GNA11: variants seen among roughly 807,000 people sequenced by gnomAD.
GNA11 encodes the protein guanine nucleotide-binding protein subunit alpha-11.
In GNA11, 8 loss-of-function variants were observed where a neutral mutation model predicts 38.2. That is an observed-to-expected ratio of 0.21 (90% CI 0.12 to 0.38). GNA11 has a LOEUF of 0.38. Among genes scored for constraint, GNA11 ranks in the 10% least tolerant of loss-of-function variants. The pLI, the probability that GNA11 is intolerant of heterozygous loss-of-function variation, is 1.00. For missense variants in GNA11, 268 were observed against 516.3 expected, an observed-to-expected ratio of 0.52 and a Z score of 4.66; for synonymous variants, 211 against 221.4, an observed-to-expected ratio of 0.95 and a Z score of 0.42.
chr19:3,113,571 G>A, intron 3 of GNA11, 87 bp downstream of exon 3: 1 of 1,042,244 alleles, frequency 9.6e-7, no homozygotes, highest in Non-Finnish European at 1.4e-6. Context: ...CGCGGCGTCT[G>A]TGGTGCCCCC....
At position 3,103,519 on chromosome 19, in the gene GNA11, C is replaced by CTTTTTTTTTTTTTTTTTTT. The variant is rs760497682; in HGVS notation, c.137-6617_137-6599dup. 6.5e-5 allele frequency among the ~76,000 whole-genome samples: 3 copies of CTTTTTTTTTTTTTTTTTTT among 45,802 alleles called. 1 individual carries two copies. Among genetic ancestry groups the CTTTTTTTTTTTTTTTTTTT allele is most frequent in the African/African-American group, 8.0e-5 (1 of 12,498 alleles). 30.0% of individuals were successfully genotyped at this position (45,802 alleles called of 152,430 possible). On this transcript the variant is annotated intron_variant, in intron 1 of 6. Coordinates refer to ENST00000078429, the MANE Select transcript of GNA11 (RefSeq NM_002067.5). The stretch of plus-strand genomic sequence containing the variant: ...TGAGCCACTGCGCCCGGCCTTGAAT[C>CTTTTTTTTTTTTTTTTTTT]TTTTTTTTTTTTTTTTTTTTTTTTT...
chr19:3,095,737 G>T (rs1209538710), intron 1 of GNA11, among the ~76,000 whole-genome samples: 3 of 152,044 alleles, frequency 2.0e-5, no homozygotes, highest in Non-Finnish European at 2.9e-5. Flanking sequence ...GTCCCAAGCA[G>T]CTATCTCGGC....
At position 3,119,716 on chromosome 19, in the gene GNA11, G is replaced by C. The variant is rs142038381; in HGVS notation, c.889+357G>C. 9.8e-3 allele frequency among the ~76,000 whole-genome samples: 1,484 copies of C among 151,704 alleles called. 29 individuals carry two copies. The highest frequency in any genetic ancestry group is 0.034 in the African/African-American group (1,408 of 41,280). On this transcript the variant is annotated intron_variant, in intron 6 of 6. Coordinates refer to ENST00000078429, the MANE Select transcript of GNA11 (RefSeq NM_002067.5). This position sits in a 1 kb window ranked among gnomAD's most constrained non-coding sequence, Gnocchi z 4.6. ...GGGGAGTCTTGTATTGGTGGGTCTT[G>C]TACGGGAGGGAGTTGTCGTATGGGG... is the stretch of plus-strand genomic sequence containing the variant.
At chr19:3,103,519 C>CGTTTTTTTTTTTTTTTTTTTTTTTTTT (rs1370578226) in intron 1 of GNA11, among the ~76,000 whole-genome samples, 1 of 45,800 alleles carries the variant, frequency 2.2e-5, no homozygotes, top group African/African-American at 8.0e-5. Context: ...GGCCTTGAAT[C>CGTTTTTTTTTTTTTTTTTTTTTTTTTT]TTTTTTTTTT....
chr19:3,116,829 T>C (rs1913936933), intron 4 of GNA11, among the ~76,000 whole-genome samples: 1 of 152,204 alleles, frequency 6.6e-6, no homozygotes, highest in Admixed American at 6.5e-5. Flanking sequence ...GCTGGTGCAC[T>C]GCCGAGGCCA....
In GNA11 at chr19:3,094,943, C is replaced by G. The variant is rs1191779920; in HGVS notation, c.136+156C>G. 1.4e-5 allele frequency among the ~76,000 whole-genome samples: 2 copies of G among 146,792 alleles called. No individual in the cohort carries two copies. The highest frequency in any genetic ancestry group is 3.0e-5 in the Non-Finnish European group (2 of 66,474). On this transcript the variant is annotated intron_variant, in intron 1 of 6. Coordinates refer to ENST00000078429, the MANE Select transcript of GNA11 (RefSeq NM_002067.5). The surrounding 1 kb of genome is among the most constrained non-coding windows in gnomAD (Gnocchi z 6.0). ...GTCAGCCCTGCCTGTGCCTTCCCTG[C>G]CTGTCCGGGTCGCGGGACCCTCGAG...
At chr19:3,109,028 G>C (rs1242332019) in intron 1 of GNA11, among the ~76,000 whole-genome samples, 1 of 152,238 alleles carries the variant, frequency 6.6e-6, no homozygotes, top group Non-Finnish European at 1.5e-5. Flanking sequence ...AACTGGCCTT[G>C]GAGATGGCAC....
At chr19:3,106,087 G>A (rs1913632883) in intron 1 of GNA11, among the ~76,000 whole-genome samples, 1 of 152,220 alleles carries the variant, frequency 6.6e-6, no homozygotes, top group African/African-American at 2.4e-5. Flanking sequence ...GAGTGTGGCT[G>A]CAGGTGGGGC....
intron 4 of GNA11, chr19:3,117,784 G>A (rs978426629): frequency 6.6e-6 from 1 of 152,356 alleles, no homozygotes; most frequent in African/African-American, 2.4e-5. Flanking sequence ...CGCTGGCAGA[G>A]GGCCGGCCAG....
At position 3,119,183 on chromosome 19, in the gene GNA11, C is replaced by G. The variant is rs367580054; in HGVS notation, c.736-23C>G. ...TGCAGTGGGGAGGGCCCCTCTGATT[C>G]CCTCTGCCTTCGCTCCCGCCAGAAC... On this transcript the variant is annotated intron_variant, in intron 5 of 6. Transcript: ENST00000078429. The surrounding 1 kb of genome is among the most constrained non-coding windows in gnomAD (Gnocchi z 4.6). 12 of 1,610,580 alleles carry G rather than the reference C, an allele frequency of 7.5e-6. No homozygotes were observed. The South Asian group carries it at 1.2e-4, about 16-fold the overall frequency.
rs763417133 is a variant in GNA11, at chr19:3,094,606, G to T, written c.-46G>T. The T allele has an allele frequency of 2.0e-6, 2 of 998,704 alleles. No individual in the cohort carries two copies. Among genetic ancestry groups the T allele is most frequent in the South Asian group, 4.4e-5 (1 of 22,726 alleles). 61.9% of individuals were successfully genotyped at this position (998,704 alleles called of 1,614,324 possible). On this transcript the variant is annotated 5_prime_UTR_variant, in exon 1 of 7. Transcript: ENST00000078429. This position sits in a 1 kb window ranked among gnomAD's most constrained non-coding sequence, Gnocchi z 6.0. ...TCCGGCCAGGGCCGGGCCGGGGGCCGGGGGGCGGCGGCGGGCAGGCGGCCG... is the reference window on the plus strand; with the variant it reads ...TCCGGCCAGGGCCGGGCCGGGGGCCTGGGGGCGGCGGCGGGCAGGCGGCCG...
At chr19:3,116,251 TA>T (rs1313641651) in intron 4 of GNA11, among the ~76,000 whole-genome samples, 1 of 152,128 alleles carries the variant, frequency 6.6e-6, no homozygotes, top group Admixed American at 6.5e-5. Flanking sequence ...TGGCCCCATA[TA>T]ACATCTCCAG....
In GNA11 at chr19:3,094,930, T is replaced by A; in HGVS notation, c.136+143T>A. 1 of 525,896 alleles carries A rather than the reference T, an allele frequency of 1.9e-6. No individual in the cohort carries two copies. Among genetic ancestry groups the A allele is most frequent in the Non-Finnish European group, 3.2e-6 (1 of 317,316 alleles). 32.6% of individuals were successfully genotyped at this position (525,896 alleles called of 1,614,324 possible). ...GAGACCCTCCGGGGTCAGCCCTGCC[T>A]GTGCCTTCCCTGCCTGTCCGGGTCG... On this transcript the variant is annotated intron_variant, in intron 1 of 6. Transcript: ENST00000078429. This position sits in a 1 kb window ranked among gnomAD's most constrained non-coding sequence, Gnocchi z 6.0.
chr19:3,095,483 A>ACTCCATGCAGGCCCTGTACC (rs1394630678), intron 1 of GNA11, among the ~76,000 whole-genome samples: 10 of 148,334 alleles, frequency 6.7e-5, no homozygotes, highest in Admixed American at 1.3e-4. Context: ...AGCCCTGTAC[A>ACTCCATGCAGGCCCTGTACC]CTCCATGCAG....
rs1024080005 is a variant in GNA11 at position 3,122,898 on chromosome 19, T to C, written c.*1719T>C. 1.5e-4 allele frequency: 36 copies of C among 233,300 alleles called. No homozygotes were observed. Among genetic ancestry groups the C allele is most frequent in the African/African-American group, 6.6e-4 (30 of 45,436 alleles). 14.5% of individuals were successfully genotyped at this position (233,300 alleles called of 1,614,324 possible). A position where few individuals can be genotyped will look rare whatever the true frequency, so the allele number is the denominator to read the frequency against. Reference sequence around the variant, plus strand: ...TCAGGGGAGACCAGGTCAGGGCAGCTACATTTCTGGTGATCAGCCCCATGG... The same window carrying C: ...TCAGGGGAGACCAGGTCAGGGCAGCCACATTTCTGGTGATCAGCCCCATGG... On this transcript the variant is annotated 3_prime_UTR_variant, in exon 7 of 7. Transcript: ENST00000078429. This position sits in a 1 kb window ranked among gnomAD's most constrained non-coding sequence, Gnocchi z 7.7.
chr19:3,113,084 C>T (rs1173157257), intron 2 of GNA11, among the ~76,000 whole-genome samples: 1 of 152,252 alleles, frequency 6.6e-6, no homozygotes, highest in Non-Finnish European at 1.5e-5. Context: ...CCCGGCCTCC[C>T]CGGCACCCTG....
Position 3,102,991 on chromosome 19 carries a change from G to A in GNA11, c.137-7158G>A, listed in dbSNP as rs111890808. 2.7e-3 allele frequency among the ~76,000 whole-genome samples: 412 copies of A among 152,292 alleles called. 1 individual carries two copies. Among genetic ancestry groups the A allele is most frequent in the African/African-American group, 9.5e-3 (394 of 41,564 alleles). ...GTGGCTCTGGCCTTGCTCCCGGTGTGTGCACTGGCCTGGCCTCCCCGCAGC... is the reference window on the plus strand; with the variant it reads ...GTGGCTCTGGCCTTGCTCCCGGTGTATGCACTGGCCTGGCCTCCCCGCAGC... On this transcript the variant is annotated intron_variant, in intron 1 of 6. Transcript: ENST00000078429.
At chr19:3,106,412 C>T (rs1361852714) in intron 1 of GNA11, among the ~76,000 whole-genome samples, 4 of 152,230 alleles carry the variant, frequency 2.6e-5, no homozygotes, top group African/African-American at 9.7e-5. Flanking sequence ...AATGTAGTCA[C>T]GTTGCCTGGC....
chr19:3,094,937 T>G lies in GNA11; in HGVS notation c.136+150T>G, dbSNP rs1913327007. 8.3e-6 allele frequency: 4 copies of G among 481,740 alleles called. No homozygotes were observed. The highest frequency in any genetic ancestry group is 1.4e-5 in the Non-Finnish European group (4 of 284,850). The allele number at this position is 481,740 out of a possible 1,614,324, so 29.8% of individuals were successfully genotyped here. ...TCCGGGGTCAGCCCTGCCTGTGCCT[T>G]CCCTGCCTGTCCGGGTCGCGGGACC... On this transcript the variant is annotated intron_variant, in intron 1 of 6. Transcript: ENST00000078429. The surrounding 1 kb of genome is among the most constrained non-coding windows in gnomAD (Gnocchi z 6.0).
Sources: allele counts gnomAD v4.1 joint callset (sites outside exome capture counted in the v4.1 genomes callset), GRCh38; gene constraint gnomAD v4.1.1; non-coding constraint Gnocchi (gnomAD v3.1); transcripts MANE v1.5; gene names NCBI Gene and HGNC (gene_info 2026-07-23, HGNC 2026-07-21).